TOP1: variants seen among roughly 807,000 people sequenced by gnomAD.
TOP1 encodes DNA topoisomerase 1.
In TOP1, 10 loss-of-function variants were observed where a neutral mutation model predicts 111.1. The ratio of observed to expected loss-of-function variants is 0.09; its 90% CI spans 0.06 to 0.15. The LOEUF (loss-of-function observed/expected upper bound fraction) is 0.15, where lower values mean the gene tolerates loss of function less well. TOP1 is among the 10% of genes least tolerant of loss of function. The pLI, the probability that TOP1 is intolerant of heterozygous loss-of-function variation, is 1.00. For missense variants in TOP1, 474 were observed against 926.7 expected (o/e 0.51, Z 6.34); for synonymous variants, 271 against 302.9 (o/e 0.89, Z 1.10).
chr20:41,084,322 T>C (rs1047907562), intron 7 of TOP1, 140 bp from the exon 8 acceptor site: 6 of 440,146 alleles, frequency 1.4e-5, no homozygotes, highest in Non-Finnish European at 2.5e-5. Context: ...TATTCATCTG[T>C]CAAATGAGAG....
intron 3 of TOP1, among the ~76,000 whole-genome samples, chr20:41,063,000 T>C (rs2033564351): frequency 6.6e-6 from 1 of 152,216 alleles, no homozygotes; most frequent in Admixed American, 6.5e-5. Flanking sequence ...TACCTGGGTA[T>C]ATAGCTGTGA....
At position 41,098,493 on chromosome 20, in the gene TOP1, G is replaced by T; in HGVS notation, c.975+156G>T. On this transcript the variant is annotated intron_variant, in intron 11 of 20. Coordinates refer to ENST00000361337, the MANE Select transcript of TOP1 (RefSeq NM_003286.4). The surrounding 1 kb of genome is among the most constrained non-coding windows in gnomAD (Gnocchi z 5.7). Reference sequence around the variant, plus strand: ...TTCTCAAAGTCTAAATTTTCTTAAAGGTTTTAGTTAGACTGAAAATTGTGA... The same window carrying T: ...TTCTCAAAGTCTAAATTTTCTTAAATGTTTTAGTTAGACTGAAAATTGTGA... 2.4e-6 allele frequency: 2 copies of T among 844,618 alleles called. No individual in the cohort carries two copies. Among genetic ancestry groups the T allele is most frequent in the East Asian group, 5.7e-5 (2 of 35,164 alleles). The allele number at this position is 844,618 out of a possible 1,614,324, so 52.3% of individuals were successfully genotyped here.
rs1345481174 is a variant in TOP1 at position 41,102,619 on chromosome 20, A to G, written c.1308+1266A>G. ...ACTTAGACTCTGTCTCAAATAAATAACTAAATACATAAATAAAAATAAAAT... is the reference window on the plus strand; with the variant it reads ...ACTTAGACTCTGTCTCAAATAAATAGCTAAATACATAAATAAAAATAAAAT... On this transcript the variant is annotated intron_variant, in intron 13 of 20. Coordinates refer to ENST00000361337, the MANE Select transcript of TOP1 (RefSeq NM_003286.4). The surrounding 1 kb of genome is among the most constrained non-coding windows in gnomAD (Gnocchi z 4.0). Among the ~76,000 whole-genome samples the G allele has an allele frequency of 6.6e-6, 1 of 152,212 alleles. No individual in the cohort carries two copies. Among genetic ancestry groups the G allele is most frequent in the Non-Finnish European group, 1.5e-5 (1 of 68,042 alleles).
chr20:41,035,533 T>A (rs542932801), intron 2 of TOP1, among the ~76,000 whole-genome samples: 8 of 152,284 alleles, frequency 5.3e-5, no homozygotes, highest in Non-Finnish European at 1.2e-4. Context: ...TTGTAAATGA[T>A]GATGTTGGGA....
At chr20:41,065,563 T>A (rs913751254) in intron 3 of TOP1, among the ~76,000 whole-genome samples, 6 of 152,224 alleles carry the variant, frequency 3.9e-5, no homozygotes, top group African/African-American at 1.2e-4. Flanking sequence ...CCTGTCCCAA[T>A]ATCTTTCTAC....
At chr20:41,055,977 C>T (rs1302730999) in intron 2 of TOP1, among the ~76,000 whole-genome samples, 1 of 152,182 alleles carries the variant, frequency 6.6e-6, no homozygotes, top group Non-Finnish European at 1.5e-5. Context: ...TGAAAAGTTT[C>T]AAGCATACAC....
Position 41,091,551 on chromosome 20 carries a change from CCT to C in TOP1, c.615-920_615-919del, listed in dbSNP as rs1491510642. Among the ~76,000 whole-genome samples, 728 of 118,568 alleles carry C rather than the reference CCT, an allele frequency of 6.1e-3. 8 individuals carry two copies. Among genetic ancestry groups the C allele is most frequent in the African/African-American group, 0.022 (669 of 29,856 alleles). The allele number at this position is 118,568 out of a possible 152,430, so 77.8% of individuals were successfully genotyped here. On this transcript the variant is annotated intron_variant, in intron 8 of 20. Transcript: ENST00000361337. ...AATAGGAAATGTAGCAAATTATTAA[CCT>C]TTTTTTTTTTTTTTTTTTTTTGAGA...
chr20:41,119,359 A>C (rs2034384991), intron 18 of TOP1, among the ~76,000 whole-genome samples: 1 of 152,242 alleles, frequency 6.6e-6, no homozygotes, highest in Non-Finnish European at 1.5e-5. Context: ...TCACACCTGT[A>C]ATCTCAGCAT....
At chr20:41,081,857 T>C (rs2033792856) in intron 7 of TOP1, among the ~76,000 whole-genome samples, 1 of 152,214 alleles carries the variant, frequency 6.6e-6, no homozygotes, top group Non-Finnish European at 1.5e-5. Context: ...TGTTCCTCTA[T>C]CTGGAACACA....
Position 41,106,179 on chromosome 20 carries a change from A to G in TOP1, c.1308+4826A>G, listed in dbSNP as rs1270512150. On this transcript the variant is annotated intron_variant, in intron 13 of 20. Transcript: ENST00000361337. This position sits in a 1 kb window ranked among gnomAD's most constrained non-coding sequence, Gnocchi z 4.3. ...TTACCTCCTCTCTTGTATATCAGAT[A>G]TATCTACATATATGTCAGACTGTTT... Among the ~76,000 whole-genome samples, 1 of 152,172 alleles carries G rather than the reference A, an allele frequency of 6.6e-6. No homozygotes were observed. Among genetic ancestry groups the G allele is most frequent in the Non-Finnish European group, 1.5e-5 (1 of 68,032 alleles).
At chr20:41,072,650 G>T (rs2033681424) in intron 3 of TOP1, 2 of 985,422 alleles carry the variant, frequency 2.0e-6, no homozygotes, top group Non-Finnish European at 2.4e-6. Context: ...ACTCCTGCCG[G>T]TTTGGGGGTT....
At chr20:41,077,737 C>A in intron 5 of TOP1, 100 bp downstream of exon 5, 1 of 1,108,150 alleles carries the variant, frequency 9.0e-7, no homozygotes, top group Non-Finnish European at 1.4e-6. Flanking sequence ...AACCCACTGA[C>A]CTGGCCATCT....
chr20:41,073,278 AGAAC>A, intron 3 of TOP1: 8 of 985,304 alleles, frequency 8.1e-6, no homozygotes, highest in Non-Finnish European at 9.6e-6. Flanking sequence ...ACTGAGAAAG[AGAAC>A]GGGTCAGGGG....
chr20:41,042,434 G>A (rs755392287), intron 2 of TOP1, among the ~76,000 whole-genome samples: 5 of 152,080 alleles, frequency 3.3e-5, no homozygotes, highest in South Asian at 2.1e-4. Context: ...TTACTTTTTC[G>A]GATTGGGTGA....
chr20:41,113,667 A>G (rs1226637122), intron 14 of TOP1, among the ~76,000 whole-genome samples: 1 of 151,170 alleles, frequency 6.6e-6, no homozygotes, highest in Admixed American at 6.6e-5. Context: ...CACGAGGTCA[A>G]GAGACCATCC....
intron 2 of TOP1, among the ~76,000 whole-genome samples, chr20:41,043,742 G>A (rs2033297153): frequency 6.6e-6 from 1 of 152,224 alleles, no homozygotes; most frequent in Admixed American, 6.5e-5. Context: ...GGATCCGCAC[G>A]TAGGCCAGAG....
In TOP1 at chr20:41,094,813, T is replaced by A. The variant is rs1020367778; in HGVS notation, c.730+2226T>A. On this transcript the variant is annotated intron_variant, in intron 9 of 20. Coordinates refer to ENST00000361337, the MANE Select transcript of TOP1 (RefSeq NM_003286.4). The surrounding 1 kb of genome is among the most constrained non-coding windows in gnomAD (Gnocchi z 4.4). ...TGAAGCAGTGAATTACTGCCTTCTC[T>A]GAGGACCTTCAGTTTACAGCTTTGA... is the stretch of plus-strand genomic sequence containing the variant. Among the ~76,000 whole-genome samples the A allele has an allele frequency of 6.6e-6, 1 of 152,204 alleles. No individual in the cohort carries two copies. Among genetic ancestry groups the A allele is most frequent in the African/African-American group, 2.4e-5 (1 of 41,456 alleles).
Position 41,046,176 on chromosome 20 carries a change from G to A in TOP1, c.59-15218G>A, listed in dbSNP as rs140106044. On this transcript the variant is annotated intron_variant, in intron 2 of 20. Transcript: ENST00000361337. This position sits in a 1 kb window ranked among gnomAD's most constrained non-coding sequence, Gnocchi z 4.3. ...TTGAACATTTTTAATGCCCTAGGCA[G>A]CGTCTTAAGAATTCTAAGCTTTCAT... Among the ~76,000 whole-genome samples the A allele has an allele frequency of 2.0e-5, 3 of 152,222 alleles. No individual in the cohort carries two copies. The highest frequency in any genetic ancestry group is 3.8e-4 in the East Asian group (2 of 5,204).
In TOP1 at chr20:41,083,414, G is replaced by T. The variant is rs906525996; in HGVS notation, c.508-1048G>T. Reference sequence around the variant, plus strand: ...TATCTTGATTGCCATCCTATTATGAGGATCTAAAATGTTTATTCCAGTTAT... The same window carrying T: ...TATCTTGATTGCCATCCTATTATGATGATCTAAAATGTTTATTCCAGTTAT... On this transcript the variant is annotated intron_variant, in intron 7 of 20. Coordinates refer to ENST00000361337, the MANE Select transcript of TOP1 (RefSeq NM_003286.4). The surrounding 1 kb of genome is among the most constrained non-coding windows in gnomAD (Gnocchi z 7.2). Among the ~76,000 whole-genome samples, 3 of 152,018 alleles carry T rather than the reference G, an allele frequency of 2.0e-5. No homozygotes were observed. The highest frequency in any genetic ancestry group is 7.3e-5 in the African/African-American group (3 of 41,362).
Sources: allele counts gnomAD v4.1 joint callset (sites outside exome capture counted in the v4.1 genomes callset), GRCh38; gene constraint gnomAD v4.1.1; non-coding constraint Gnocchi (gnomAD v3.1); transcripts MANE v1.5; gene names NCBI Gene and HGNC (gene_info 2026-07-23, HGNC 2026-07-21).